STXBP2: variants seen among roughly 807,000 people sequenced by gnomAD.
STXBP2 encodes syntaxin binding protein 2.
In STXBP2, 47 loss-of-function variants were observed where a neutral mutation model predicts 72.2. The ratio of observed to expected loss-of-function variants is 0.65; its 90% CI spans 0.51 to 0.83. STXBP2 has a LOEUF of 0.83. STXBP2 is among the 40% of genes least tolerant of loss of function. STXBP2 has a pLI of 0.00. For synonymous variants in STXBP2, 367 were observed against 338.7 expected (o/e 1.08, Z -0.92); for missense variants, 702 against 807.6 (o/e 0.87, Z 1.58).
chr19:7,643,296 T>C, intron 13 of STXBP2, 51 bp downstream of exon 13: 1 of 1,575,238 alleles, frequency 6.3e-7, no homozygotes, highest in Non-Finnish European at 8.6e-7. Flanking sequence ...CAAGGCGGGG[T>C]ATTGGGGAGG....
At position 7,644,714 on chromosome 19, in the gene STXBP2, A is replaced by G; in HGVS notation, c.1208A>G (p.Lys403Arg). Residue 403 changes from lysine to arginine, a missense_variant, in exon 14 of 19, where the codon AAG becomes AGG. Lys to Arg is a conservative substitution (Grantham distance 26). Coordinates refer to ENST00000221283, the MANE Select transcript of STXBP2 (RefSeq NM_006949.4). The stretch of plus-strand genomic sequence containing the variant: ...GACGCGGCGGTGCCCGCCTACGACA[A>G]GATCCGGGTCCTGCTGCTCTACATC... Reference protein sequence around the residue: ...LLDAAVPAYDKIRVLLLYILL... With the variant: ...LLDAAVPAYDRIRVLLLYILL... The G allele has an allele frequency of 6.2e-7, 1 of 1,613,778 alleles. No individual in the cohort carries two copies. Among genetic ancestry groups the G allele is most frequent in the Non-Finnish European group, 8.5e-7 (1 of 1,179,852 alleles).
In STXBP2 at chr19:7,647,240, G is replaced by A. The variant is rs138581300; in HGVS notation, c.1531G>A (p.Ala511Thr). 174 of 1,611,050 alleles carry A rather than the reference G, an allele frequency of 1.1e-4. No individual in the cohort carries two copies. Among genetic ancestry groups the A allele is most frequent in the Middle Eastern group, 1.7e-4 (1 of 5,950 alleles). ...DPAPTASSQA[A>T]VSARFGHWHK... is the part of the protein sequence containing the mutation. ...CGCCCCCACGGCCAGCTCCCAGGCC[G>A]CTGTCAGGTGAGGCCCCGGGGCCGC... Residue 511 changes from alanine to threonine, a missense_variant, in exon 17 of 19, where the codon GCT (alanine) becomes ACT (threonine). Coordinates refer to ENST00000221283, the MANE Select transcript of STXBP2 (RefSeq NM_006949.4).
At chr19:7,636,052 A>G (rs1465501286), upstream of STXBP2, among the ~76,000 whole-genome samples, 1 of 152,120 alleles carries the variant, frequency 6.6e-6, no homozygotes, top group Admixed American at 6.5e-5. Context: ...CATCCTCAGT[A>G]AAGTCCCCTC....
At chr19:7,644,561 A>T in intron 13 of STXBP2, 53 bp from the exon 14 acceptor site, 1 of 1,603,646 alleles carries the variant, frequency 6.2e-7, no homozygotes, top group Non-Finnish European at 8.5e-7. Flanking sequence ...CGCCTCTCCC[A>T]TCCCCTTCCC....
At chr19:7,641,612 G>C (rs547249533) in intron 6 of STXBP2, 93 bp from the exon 7 acceptor site, 1 of 1,514,110 alleles carries the variant, frequency 6.6e-7, no homozygotes, top group Non-Finnish European at 9.0e-7. Flanking sequence ...GACCAGGGAC[G>C]GCTCCCAGGA....
intron 17 of STXBP2, 48 bp from the exon 18 acceptor site, chr19:7,647,306 C>A (rs780085970): frequency 8.7e-6 from 14 of 1,611,738 alleles, no homozygotes; most frequent in Non-Finnish European, 1.1e-5. Context: ...GGCGGCCTGG[C>A]GGCGGTGAGG....
chr19:7,630,024 C>G, the STXBP2 span: 3 of 838,506 alleles, frequency 3.6e-6, no homozygotes, highest in South Asian at 2.5e-5. Flanking sequence ...AGAGGGGACG[C>G]TGGGCTGGGG....
chr19:7,644,892 C>G (rs1371261427), intron 14 of STXBP2, 140 bp downstream of exon 14: 17 of 1,491,920 alleles, frequency 1.1e-5, no homozygotes, highest in Non-Finnish European at 1.3e-5. Context: ...CCCCTCTGGA[C>G]CCGGGAACCC....
upstream of STXBP2, among the ~76,000 whole-genome samples, chr19:7,636,105 T>A (rs1253482458): frequency 1.3e-5 from 2 of 152,156 alleles, no homozygotes; most frequent in Non-Finnish European, 2.9e-5. Flanking sequence ...ATTAGTTTAT[T>A]TCCTTTAGGG....
In STXBP2 at chr19:7,647,399, C is replaced by G; in HGVS notation, c.1584C>G (p.Ala528=). 2 of 1,613,520 alleles carry G rather than the reference C, an allele frequency of 1.2e-6. No individual in the cohort carries two copies. The highest frequency in any genetic ancestry group is 1.7e-6 in the Non-Finnish European group (2 of 1,179,966). The change falls in exon 18 of 19, where the codon GCC becomes GCG. Residue 528 remains alanine (A), a synonymous_variant. Coordinates refer to ENST00000221283, the MANE Select transcript of STXBP2 (RefSeq NM_006949.4). ...ACAAGAACAAGGCTGGCATAGAAGC[C>G]CGGGCGGGCCCCCGGCTCATCGTGT... ...HWHKNKAGIE[A]RAGPRLIVYV...
At chr19:7,646,045 CT>C in intron 15 of STXBP2, 1 of 601,642 alleles carries the variant, frequency 1.7e-6, no homozygotes, top group Non-Finnish European at 3.0e-6. Context: ...CTCTCTCTCC[CT>C]TTGGCTTTCT....
the STXBP2 span, chr19:7,630,740 C>T: frequency 1.3e-6 from 2 of 1,533,344 alleles, no homozygotes; most frequent in Non-Finnish European, 1.7e-6. Flanking sequence ...GGACTAATGT[C>T]TGCCTCCCAT....
chr19:7,631,730 G>T, the STXBP2 span: 3 of 1,447,888 alleles, frequency 2.1e-6, no homozygotes, highest in South Asian at 1.6e-5. Context: ...CTGTTCCGAC[G>T]GAAGCCGAGA....
In STXBP2 at chr19:7,641,743, C is replaced by T. The variant is rs1189892616; in HGVS notation, c.468C>T (p.Leu156=). 3 of 1,553,484 alleles carry T rather than the reference C, an allele frequency of 1.9e-6. No individual in the cohort carries two copies. The highest frequency in any genetic ancestry group is 2.6e-6 in the Non-Finnish European group (3 of 1,148,638). Residue 156 remains leucine (L), a synonymous_variant, in exon 7 of 19, where the codon CTC becomes CTT. Coordinates refer to ENST00000221283, the MANE Select transcript of STXBP2 (RefSeq NM_006949.4). ...SLDAPHSTYN[L]YCPFRAEERT... The stretch of plus-strand genomic sequence containing the variant: ...ATGCTCCCCACAGCACCTACAACCT[C>T]TACTGCCCCTTCCGGGCAGAGGAGC...
chr19:7,632,607 G>A (rs528358437), upstream of STXBP2: 461 of 1,590,154 alleles, frequency 2.9e-4, 1 homozygote, highest in African/African-American at 5.7e-3. The surrounding 1 kb of genome is among the most constrained non-coding windows in gnomAD (Gnocchi z 5.2). Flanking sequence ...GCTTCAGGGT[G>A]CACAACCACC....
In STXBP2 at chr19:7,639,822, G is replaced by A. The variant is rs1210296765; in HGVS notation, c.246+15G>A. ...CCACGGAGAAGGTGCCTACATGAGT[G>A]AGCGTGTGTGTATGCGCGTGCATGC... is the stretch of plus-strand genomic sequence containing the variant. On this transcript the variant is annotated intron_variant, in intron 4 of 18. Coordinates refer to ENST00000221283, the MANE Select transcript of STXBP2 (RefSeq NM_006949.4). The A allele has an allele frequency of 7.4e-6, 12 of 1,613,534 alleles. No individual in the cohort carries two copies. Among genetic ancestry groups the A allele is most frequent in the East Asian group, 4.5e-5 (2 of 44,888 alleles).
chr19:7,646,848 TG>T (rs2032156907), intron 16 of STXBP2: 6 of 505,478 alleles, frequency 1.2e-5, no homozygotes, highest in Non-Finnish European at 1.8e-5. Context: ...CCCAAAGGGC[TG>T]GGGGTATTGA....
upstream of STXBP2, chr19:7,637,095 C>CCACGCCCCCACCTTGGGA: frequency 8.1e-7 from 1 of 1,234,584 alleles, no homozygotes; most frequent in East Asian, 3.2e-5. Context: ...ACGCGCGGGG[C>CCACGCCCCCACCTTGGGA]CACGCCCCCA....
At chr19:7,632,421 A>G (rs1183296713), upstream of STXBP2, 1 of 1,613,820 alleles carries the variant, frequency 6.2e-7, no homozygotes, top group Non-Finnish European at 8.5e-7. The surrounding 1 kb of genome is among the most constrained non-coding windows in gnomAD (Gnocchi z 5.2). Context: ...GAAGCCGGGC[A>G]GGCTGCTGAC....
Sources: allele counts gnomAD v4.1 joint callset (sites outside exome capture counted in the v4.1 genomes callset), GRCh38; gene constraint gnomAD v4.1.1; non-coding constraint Gnocchi (gnomAD v3.1); transcripts MANE v1.5; gene names NCBI Gene and HGNC (gene_info 2026-07-23, HGNC 2026-07-21).